CDC123: variants seen among roughly 807,000 people sequenced by gnomAD.
CDC123 encodes the protein cell division cycle 123, also known as translation initiation factor eIF2 assembly protein.
In CDC123, 37 loss-of-function variants were observed where a neutral mutation model predicts 54.4. The observed-to-expected ratio is 0.68, with a 90% CI of 0.52 to 0.89. The LOEUF (loss-of-function observed/expected upper bound fraction) is 0.89. Among genes scored for constraint, CDC123 ranks in the 40% least tolerant of loss-of-function variants. CDC123 has a pLI of 0.00. For missense variants in CDC123, 361 were observed against 412.1 expected (o/e 0.88, Z 1.07); for synonymous variants, 144 against 136.8 (o/e 1.05, Z -0.37).
At position 12,196,234 on chromosome 10, in the gene CDC123, G is replaced by A; in HGVS notation, c.-12G>A. On this transcript the variant is annotated 5_prime_UTR_variant, in exon 1 of 13. Coordinates refer to ENST00000281141, the MANE Select transcript of CDC123 (RefSeq NM_006023.3). ...CAGGAGAGGGAAAGGCAGCAGCGGCGGCAGCTGGAGGATGAAGAAGGAGCA... is the reference window on the plus strand; with the variant it reads ...CAGGAGAGGGAAAGGCAGCAGCGGCAGCAGCTGGAGGATGAAGAAGGAGCA... 1.9e-6 allele frequency: 3 copies of A among 1,613,880 alleles called. No homozygotes were observed. Among genetic ancestry groups the A allele is most frequent in the Non-Finnish European group, 2.5e-6 (3 of 1,179,916 alleles).
intron 2 of CDC123, among the ~76,000 whole-genome samples, chr10:12,208,367 C>T (rs1835548989): frequency 6.6e-6 from 1 of 152,142 alleles, no homozygotes; most frequent in South Asian, 2.1e-4. Flanking sequence ...CTGGGTGGCC[C>T]TTTTCAGCCC....
intron 10 of CDC123, 66 bp downstream of exon 10, chr10:12,238,551 C>T (rs1374596791): frequency 5.1e-6 from 8 of 1,564,342 alleles, no homozygotes; most frequent in Non-Finnish European, 6.9e-6. Context: ...GCAGAGCATG[C>T]CTTTGTTATG....
At chr10:12,204,092 CA>C (rs748765566) in intron 2 of CDC123, among the ~76,000 whole-genome samples, 357 of 131,096 alleles carry the variant, frequency 2.7e-3, no homozygotes, top group Middle Eastern at 7.5e-3. Context: ...GACCTTGTCT[CA>C]AAAAAAAAAA....
In CDC123 at chr10:12,250,524, T is replaced by A. The variant is rs1051916254; in HGVS notation, c.*187T>A. 7.5e-6 allele frequency: 5 copies of A among 670,474 alleles called. No individual in the cohort carries two copies. Among genetic ancestry groups the A allele is most frequent in the Non-Finnish European group, 1.1e-5 (4 of 361,872 alleles). The allele number at this position is 670,474 out of a possible 1,614,324, so 41.5% of individuals were successfully genotyped here. A position where few individuals can be genotyped will look rare whatever the true frequency, so the allele number is the denominator to read the frequency against. ...GACTTTGCTACTTGTAAAAATAACA[T>A]AATAAATAGATCTTAAACATAGGAA... On this transcript the variant is annotated 3_prime_UTR_variant, in exon 13 of 13. Coordinates refer to ENST00000281141, the MANE Select transcript of CDC123 (RefSeq NM_006023.3).
At chr10:12,197,838 C>T (rs1165597732) in intron 1 of CDC123, among the ~76,000 whole-genome samples, 1 of 151,856 alleles carries the variant, frequency 6.6e-6, no homozygotes, top group Non-Finnish European at 1.5e-5. Flanking sequence ...CGAAGTAGCC[C>T]ATGAATACTC....
At chr10:12,219,799 C>T (rs1355296714) in intron 6 of CDC123, among the ~76,000 whole-genome samples, 1 of 151,682 alleles carries the variant, frequency 6.6e-6, no homozygotes, top group Non-Finnish European at 1.5e-5. Context: ...GTTCTTCTGC[C>T]TCAGCCTCCC....
chr10:12,225,570 AGTT>A lies in CDC123; in HGVS notation c.441-5377_441-5375del, dbSNP rs567696758. Among the ~76,000 whole-genome samples, 413 of 152,160 alleles carry A rather than the reference AGTT, an allele frequency of 2.7e-3. 5 individuals carry two copies. Among genetic ancestry groups the A allele is most frequent in the Admixed American group, 4.0e-3 (61 of 15,282 alleles). ...CCCTGAGGTTCAGCGTGCAGTAAGT[AGTT>A]AACTGAATATAAAGACAGGGAAGAA... On this transcript the variant is annotated intron_variant, in intron 6 of 12. Transcript: ENST00000281141.
chr10:12,237,327 A>G (rs1835992169), intron 9 of CDC123, 61 bp downstream of exon 9: 4 of 1,365,688 alleles, frequency 2.9e-6, no homozygotes, highest in Non-Finnish European at 3.9e-6. Flanking sequence ...ACTGGACCTT[A>G]TTTACTATGG....
At chr10:12,208,671 G>A (rs1445287846) in intron 2 of CDC123, among the ~76,000 whole-genome samples, 1 of 152,084 alleles carries the variant, frequency 6.6e-6, no homozygotes. Context: ...TTGAGGGTGC[G>A]GTAATAGCTG....
At chr10:12,202,794 C>G (rs1348441318) in intron 2 of CDC123, among the ~76,000 whole-genome samples, 1 of 152,244 alleles carries the variant, frequency 6.6e-6, no homozygotes, top group African/African-American at 2.4e-5. Flanking sequence ...GCGGGCGGAT[C>G]ACTTGAGGTT....
At chr10:12,236,902 A>G (rs1452668622) in intron 8 of CDC123, among the ~76,000 whole-genome samples, 1 of 152,006 alleles carries the variant, frequency 6.6e-6, no homozygotes, top group Non-Finnish European at 1.5e-5. Context: ...AAACAAAACA[A>G]AACAAAACAA....
At position 12,250,414 on chromosome 10, in the gene CDC123, C is replaced by T. The variant is rs11555898; in HGVS notation, c.*77C>T. 5,524 of 1,107,578 alleles carry T rather than the reference C, an allele frequency of 5.0e-3. 33 individuals are homozygous for T. The highest frequency in any genetic ancestry group is 6.3e-3 in the Non-Finnish European group (4,503 of 718,522). 68.6% of individuals were successfully genotyped at this position (1,107,578 alleles called of 1,614,324 possible). A position where few individuals can be genotyped will look rare whatever the true frequency, so the allele number is the denominator to read the frequency against. ...CTGCTCATCAGCCGCAACTTCCTGC[C>T]GACCCTGATGCGGGTGGGCCGAGCA... On this transcript the variant is annotated 3_prime_UTR_variant, in exon 13 of 13. Coordinates refer to ENST00000281141, the MANE Select transcript of CDC123 (RefSeq NM_006023.3).
chr10:12,220,186 CTT>C (rs1181661844), intron 6 of CDC123, among the ~76,000 whole-genome samples: 2 of 152,144 alleles, frequency 1.3e-5, no homozygotes, highest in Non-Finnish European at 2.9e-5. Context: ...TGGGAAGACA[CTT>C]TTGCCTTTCC....
intron 6 of CDC123, among the ~76,000 whole-genome samples, chr10:12,222,985 G>A (rs1367521395): frequency 1.3e-5 from 2 of 151,512 alleles, no homozygotes; most frequent in African/African-American, 2.4e-5. Context: ...TCCGCCTCCC[G>A]GGTTCACGCC....
intron 10 of CDC123, among the ~76,000 whole-genome samples, chr10:12,241,469 C>G (rs1485042025): frequency 6.6e-6 from 1 of 151,940 alleles, no homozygotes; most frequent in Non-Finnish European, 1.5e-5. Context: ...GGCTTTTGTT[C>G]CTTTGCGTGT....
intron 6 of CDC123, among the ~76,000 whole-genome samples, chr10:12,222,073 GCCCACGCCT>G (rs888297752): frequency 2.6e-5 from 4 of 152,312 alleles, no homozygotes; most frequent in Admixed American, 6.5e-5. Flanking sequence ...GCTGGTCCAG[GCCCACGCCT>G]TGGTGGCTGC....
chr10:12,246,402 C>A, intron 11 of CDC123, 125 bp downstream of exon 11: 1 of 1,048,302 alleles, frequency 9.5e-7, no homozygotes, highest in South Asian at 1.7e-5. Context: ...TGTAACACAG[C>A]TTTACTAATA....
intron 6 of CDC123, among the ~76,000 whole-genome samples, chr10:12,224,291 CTTT>C (rs536128479): frequency 7.1e-6 from 1 of 141,068 alleles, no homozygotes; most frequent in Non-Finnish European, 1.5e-5. Context: ...CTTTTCCTTT[CTTT>C]TTTTTTTTCT....
intron 2 of CDC123, among the ~76,000 whole-genome samples, chr10:12,199,626 T>C (rs373988796): frequency 4.6e-5 from 7 of 152,324 alleles, no homozygotes; most frequent in African/African-American, 1.7e-4. Flanking sequence ...TACTACTAAC[T>C]GGACCCCATA....
Sources: gnomAD v4.1 joint callset for allele counts (sites outside exome capture counted in the v4.1 genomes callset) on GRCh38, gnomAD v4.1.1 for gene constraint, MANE v1.5 for transcripts, NCBI Gene and HGNC (gene_info 2026-07-23, HGNC 2026-07-21) for gene names.